Variants in SLIT3 observed in about 807,000 individuals in gnomAD.
The protein encoded by SLIT3 is slit guidance ligand 3.
A neutral mutation model predicts 184.0 loss-of-function variants in SLIT3; 68 were observed. The observed-to-expected ratio is 0.37, with a 90% CI of 0.30 to 0.45. The LOEUF is 0.45. SLIT3 is among the 20% of genes least tolerant of loss of function. The pLI is 1.00. For missense variants in SLIT3, 1,707 were observed against 2,026.0 expected, an observed-to-expected ratio of 0.84 and a Z score of 3.02; for synonymous variants, 831 against 828.6, an observed-to-expected ratio of 1.00 and a Z score of -0.05.
rs181958997 is a variant in SLIT3 at position 168,961,520 on chromosome 5, A to G, written c.414-78184T>C. Among the ~76,000 whole-genome samples the G allele has an allele frequency of 5.5e-4, 84 of 152,354 alleles. 2 individuals are homozygous for G. Among genetic ancestry groups the G allele is most frequent in the Middle Eastern group, 3.4e-3 (1 of 294 alleles). On this transcript the variant is annotated intron_variant, in intron 4 of 35. Coordinates refer to ENST00000519560, the MANE Select transcript of SLIT3 (RefSeq NM_003062.4). ...CAAATAATATAAAACTATAATAGCA[A>G]TAAGTACGTTGAAGACAAAATGTGA...
At chr5:168,717,129 CAAGTT>C (rs1239752490) in intron 23 of SLIT3, among the ~76,000 whole-genome samples, 1 of 121,254 alleles carries the variant, frequency 8.2e-6, no homozygotes, top group East Asian at 2.2e-4. Context: ...CCTGGAAGCA[CAAGTT>C]AAGAGGAGTG....
At chr5:168,797,642 A>G (rs1756614515) in intron 9 of SLIT3, among the ~76,000 whole-genome samples, 1 of 152,236 alleles carries the variant, frequency 6.6e-6, no homozygotes, top group Admixed American at 6.5e-5. Flanking sequence ...GAGAGAGACC[A>G]GCCCAAGAGC....
chr5:168,680,992 A>C (rs1007160170), intron 32 of SLIT3, among the ~76,000 whole-genome samples: 3 of 152,178 alleles, frequency 2.0e-5, no homozygotes, highest in Non-Finnish European at 4.4e-5. Context: ...CTCTTCCAGA[A>C]AAAAACAAAA....
At chr5:168,773,229 C>T (rs1755623802) in intron 13 of SLIT3, among the ~76,000 whole-genome samples, 1 of 152,192 alleles carries the variant, frequency 6.6e-6, no homozygotes, top group Admixed American at 6.5e-5. Context: ...ATTGCTTCTA[C>T]TCTCACCCAC....
intron 4 of SLIT3, among the ~76,000 whole-genome samples, chr5:169,127,105 C>T (rs1246930922): frequency 6.6e-6 from 1 of 152,138 alleles, no homozygotes; most frequent in Non-Finnish European, 1.5e-5. Context: ...TACAAGGAAG[C>T]CATTTCAAGA....
intron 4 of SLIT3, among the ~76,000 whole-genome samples, chr5:168,981,390 A>C (rs1754942638): frequency 6.6e-6 from 1 of 152,170 alleles, no homozygotes; most frequent in Non-Finnish European, 1.5e-5. Flanking sequence ...CCGGGATTGC[A>C]ATGAGGCTTG....
At chr5:169,281,306 G>A (rs761844627) in intron 1 of SLIT3, among the ~76,000 whole-genome samples, 11 of 152,232 alleles carry the variant, frequency 7.2e-5, no homozygotes, top group South Asian at 2.1e-4. Context: ...GTGAAACCCC[G>A]TCTCTACTAA....
intron 6 of SLIT3, among the ~76,000 whole-genome samples, chr5:168,823,765 C>T (rs1385551873): frequency 6.6e-6 from 1 of 152,094 alleles, no homozygotes; most frequent in Non-Finnish European, 1.5e-5. Flanking sequence ...GGAGGCTGAG[C>T]CACAGGGAGG....
At chr5:168,857,736 G>A (rs1581151771) in intron 5 of SLIT3, among the ~76,000 whole-genome samples, 1 of 152,198 alleles carries the variant, frequency 6.6e-6, no homozygotes, top group East Asian at 1.9e-4. Context: ...TTAAGACGAG[G>A]ACTCTCCAGG....
chr5:169,048,839 T>C (rs911388352), intron 4 of SLIT3, among the ~76,000 whole-genome samples: 2 of 152,144 alleles, frequency 1.3e-5, no homozygotes, highest in African/African-American at 2.4e-5. Context: ...CTTGCCCCAT[T>C]GGTTCAGCTG....
chr5:168,724,307 T>TA, intron 21 of SLIT3, 109 bp downstream of exon 21: 1 of 739,952 alleles, frequency 1.4e-6, no homozygotes, highest in Non-Finnish European at 2.1e-6. Context: ...ATCTTTCAAT[T>TA]ACCACTTGCA....
At chr5:168,989,178 C>T (rs182495598) in intron 4 of SLIT3, among the ~76,000 whole-genome samples, 8 of 152,240 alleles carry the variant, frequency 5.3e-5, no homozygotes, top group Admixed American at 3.3e-4. Context: ...CCATACAAGA[C>T]GGAATATGGT....
chr5:168,902,499 A>T (rs187442585), intron 4 of SLIT3, among the ~76,000 whole-genome samples: 1 of 152,220 alleles, frequency 6.6e-6, no homozygotes, highest in African/African-American at 2.4e-5. Flanking sequence ...TAAACTGAGA[A>T]GTGAAGGAAG....
chr5:168,946,753 C>T (rs1322989282), intron 4 of SLIT3, among the ~76,000 whole-genome samples: 1 of 152,202 alleles, frequency 6.6e-6, no homozygotes, highest in African/African-American at 2.4e-5. Context: ...CAGCCTTCAT[C>T]CCTCATTCTC....
chr5:169,105,893 T>C (rs559638261), intron 4 of SLIT3, among the ~76,000 whole-genome samples: 7 of 152,128 alleles, frequency 4.6e-5, no homozygotes, highest in Non-Finnish European at 1.0e-4. Flanking sequence ...GTCTTTGCTA[T>C]TGTGAATAGT....
chr5:168,973,250 A>G (rs1417251253), intron 4 of SLIT3, among the ~76,000 whole-genome samples: 1 of 151,470 alleles, frequency 6.6e-6, no homozygotes, highest in Non-Finnish European at 1.5e-5. Context: ...TTTAATTATT[A>G]TTATTATTAT....
At chr5:169,167,545 G>T (rs531701717) in intron 4 of SLIT3, among the ~76,000 whole-genome samples, 1 of 151,966 alleles carries the variant, frequency 6.6e-6, no homozygotes, top group African/African-American at 2.4e-5. Flanking sequence ...CAAAGTGCTG[G>T]GATTACAGGC....
chr5:169,059,993 G>A (rs544914578), intron 4 of SLIT3, among the ~76,000 whole-genome samples: 1 of 152,226 alleles, frequency 6.6e-6, no homozygotes, highest in African/African-American at 2.4e-5. Context: ...TTTTGGCCAT[G>A]TGAGGACACA....
intron 16 of SLIT3, among the ~76,000 whole-genome samples, 180 bp downstream of exon 16, chr5:168,760,682 A>G (rs1755114563): frequency 6.6e-6 from 1 of 152,016 alleles, no homozygotes; most frequent in African/African-American, 2.4e-5. Context: ...ATGAAGCATC[A>G]CTTTGGTCTG....
Sources: allele counts gnomAD v4.1 joint callset (sites outside exome capture counted in the v4.1 genomes callset), GRCh38; gene constraint gnomAD v4.1.1; transcripts MANE v1.5; gene names NCBI Gene and HGNC (gene_info 2026-07-23, HGNC 2026-07-21).